STX8: variants seen among roughly 807,000 people sequenced by gnomAD.
STX8 encodes syntaxin-8.
A neutral mutation model predicts 37.5 loss-of-function variants in STX8; 23 were observed. The observed-to-expected ratio is 0.61, with a 90% CI of 0.44 to 0.87. The LOEUF is 0.87. STX8 is among the 40% of genes least tolerant of loss of function. The pLI is 0.00. For missense variants in STX8, 313 were observed against 284.7 expected (o/e 1.10, Z -0.71); for synonymous variants, 115 against 99.1 (o/e 1.16, Z -0.95).
intron 3 of STX8, chr17:9,555,297 A>T (rs1906920622): frequency 6.6e-6 from 1 of 152,220 alleles, no homozygotes. Flanking sequence ...AAAGTCAATT[A>T]TAACTGTGGT....
intron 6 of STX8, among the ~76,000 whole-genome samples, chr17:9,380,809 G>A (rs1452854669): frequency 1.4e-5 from 2 of 143,472 alleles, no homozygotes; most frequent in African/African-American, 5.1e-5. Flanking sequence ...TGCCTCTCAA[G>A]TTCAAGCGAT....
chr17:9,418,656 T>G (rs888622052), intron 6 of STX8, among the ~76,000 whole-genome samples: 1 of 151,044 alleles, frequency 6.6e-6, no homozygotes, highest in Non-Finnish European at 1.5e-5. Flanking sequence ...TGAAACCCCG[T>G]CTCTACTAAA....
chr17:9,318,238 A>G (rs1030733519), intron 7 of STX8, among the ~76,000 whole-genome samples: 3 of 152,142 alleles, frequency 2.0e-5, no homozygotes, highest in South Asian at 2.1e-4. Context: ...CATCATTTAC[A>G]TGAGATATTT....
At chr17:9,541,956 C>T (rs1906293586) in intron 4 of STX8, among the ~76,000 whole-genome samples, 1 of 152,082 alleles carries the variant, frequency 6.6e-6, no homozygotes, top group African/African-American at 2.4e-5. Context: ...CCAGGCCTCA[C>T]CCAAGACTAT....
At chr17:9,269,967 A>G (rs543352191) in intron 7 of STX8, among the ~76,000 whole-genome samples, 1 of 152,210 alleles carries the variant, frequency 6.6e-6, no homozygotes, top group Admixed American at 6.5e-5. Flanking sequence ...TATACTAAAC[A>G]CATGCGGTAC....
chr17:9,525,812 T>C (rs1481961855), intron 4 of STX8, among the ~76,000 whole-genome samples: 1 of 152,120 alleles, frequency 6.6e-6, no homozygotes, highest in African/African-American at 2.4e-5. Context: ...AGACGGTGAG[T>C]GCTATCGTTC....
At chr17:9,414,102 C>CCAGCCAAT (rs1913086990) in intron 6 of STX8, among the ~76,000 whole-genome samples, 1 of 87,132 alleles carries the variant, frequency 1.1e-5, no homozygotes, top group African/African-American at 4.9e-5. Flanking sequence ...ATCCATCCAT[C>CCAGCCAAT]CATCCATCCA....
At chr17:9,275,562 A>T (rs183668393) in intron 7 of STX8, among the ~76,000 whole-genome samples, 6 of 152,212 alleles carry the variant, frequency 3.9e-5, no homozygotes, top group African/African-American at 1.4e-4. Context: ...ACCCATCTGG[A>T]CCTCACCTAT....
At chr17:9,353,217 G>A (rs552840469) in intron 7 of STX8, among the ~76,000 whole-genome samples, 1 of 152,280 alleles carries the variant, frequency 6.6e-6, no homozygotes, top group African/African-American at 2.4e-5. Flanking sequence ...GTCCCTATAA[G>A]TCAGCTCCTG....
chr17:9,571,493 G>GC (rs1457261259), intron 1 of STX8, among the ~76,000 whole-genome samples: 1 of 151,218 alleles, frequency 6.6e-6, no homozygotes, highest in Non-Finnish European at 1.5e-5. Flanking sequence ...TGGGTCGGGG[G>GC]GTGGCTGAGG....
rs540517421 is a variant in STX8 at position 9,455,929 on chromosome 17, C to A, written c.541+35900G>T. Among the ~76,000 whole-genome samples, 25 of 152,252 alleles carry A rather than the reference C, an allele frequency of 1.6e-4. No individual in the cohort carries two copies. The East Asian group carries it at 1.9e-3, about 12-fold the overall frequency. On this transcript the variant is annotated intron_variant, in intron 6 of 7. Transcript: ENST00000306357. ...TAGGATTCTGACCATTTCTCATATG[C>A]AAAGGCATATCAACAAACCCATCTG...
At chr17:9,431,517 G>A (rs1279759504) in intron 6 of STX8, among the ~76,000 whole-genome samples, 2 of 151,040 alleles carry the variant, frequency 1.3e-5, no homozygotes, top group Non-Finnish European at 3.0e-5. Context: ...GGATGGTCTC[G>A]ATCTCTTGAC....
chr17:9,289,623 A>AC (rs1189125316), intron 7 of STX8, among the ~76,000 whole-genome samples: 4 of 151,554 alleles, frequency 2.6e-5, no homozygotes, highest in South Asian at 2.1e-4. Context: ...AAAAAAAAAA[A>AC]CAAAAAATCA....
intron 5 of STX8, among the ~76,000 whole-genome samples, chr17:9,493,526 AAG>A (rs1906945823): frequency 6.6e-6 from 1 of 152,132 alleles, no homozygotes; most frequent in Non-Finnish European, 1.5e-5. Flanking sequence ...CTTCCCCATG[AAG>A]AGTTTCCCCC....
intron 6 of STX8, chr17:9,467,118 T>G (rs1378915321): frequency 6.6e-6 from 1 of 152,230 alleles, no homozygotes; most frequent in Non-Finnish European, 1.5e-5. Context: ...CTCGAACTCC[T>G]GATCTCAGGT....
chr17:9,397,470 G>A (rs1912443746), intron 6 of STX8, among the ~76,000 whole-genome samples: 1 of 152,154 alleles, frequency 6.6e-6, no homozygotes, highest in African/African-American at 2.4e-5. Context: ...CTCACTGTTG[G>A]AATGATAGTC....
intron 4 of STX8, among the ~76,000 whole-genome samples, chr17:9,532,551 T>A (rs1219123341): frequency 6.6e-6 from 1 of 152,052 alleles, no homozygotes; most frequent in Non-Finnish European, 1.5e-5. Context: ...AAACTGTAGG[T>A]GAGAAGTAGA....
At chr17:9,416,445 C>T (rs1451372839) in intron 6 of STX8, among the ~76,000 whole-genome samples, 2 of 152,024 alleles carry the variant, frequency 1.3e-5, no homozygotes, top group Non-Finnish European at 2.9e-5. Flanking sequence ...TCTCAGTTCA[C>T]TGAAACGTCC....
At chr17:9,434,688 G>A (rs1385327328) in intron 6 of STX8, among the ~76,000 whole-genome samples, 1 of 152,258 alleles carries the variant, frequency 6.6e-6, no homozygotes, top group Non-Finnish European at 1.5e-5. Flanking sequence ...GTGAGCCAGA[G>A]GTGAGCGGCA....
Sources: allele counts gnomAD v4.1 joint callset (sites outside exome capture counted in the v4.1 genomes callset), GRCh38; gene constraint gnomAD v4.1.1; transcripts MANE v1.5; gene names NCBI Gene and HGNC (gene_info 2026-07-23, HGNC 2026-07-21).